RAI14: variants seen among roughly 807,000 people sequenced by gnomAD.
The protein encoded by RAI14 is retinoic acid induced 14, also known as ankycorbin.
Under a neutral mutation model 115.4 loss-of-function variants are expected in RAI14, and 45 were observed. The ratio of observed to expected loss-of-function variants is 0.39; its 90% confidence interval spans 0.31 to 0.50. RAI14 has a LOEUF of 0.50. RAI14 is among the 20% of genes least tolerant of loss of function. RAI14 has a pLI of 0.85. For synonymous variants in RAI14, 371 were observed against 415.4 expected (o/e 0.89, Z 1.30); for missense variants, 939 against 1,131.2 (o/e 0.83, Z 2.44).
intron 2 of RAI14, among the ~76,000 whole-genome samples, chr5:34,748,373 C>T (rs1351246796): frequency 1.3e-5 from 2 of 152,152 alleles, no homozygotes; most frequent in Non-Finnish European, 2.9e-5. Context: ...AGGTGCTTGC[C>T]GTGTTGTATT....
At chr5:34,748,774 C>T (rs1271568375) in intron 2 of RAI14, among the ~76,000 whole-genome samples, 1 of 149,108 alleles carries the variant, frequency 6.7e-6, no homozygotes, top group Admixed American at 6.7e-5. Context: ...TCAGCCTGGG[C>T]AACCTAGGGA....
At chr5:34,815,299 T>C (rs895909520) in intron 12 of RAI14, among the ~76,000 whole-genome samples, 10 of 151,172 alleles carry the variant, frequency 6.6e-5, no homozygotes, top group African/African-American at 2.4e-4. Flanking sequence ...GAGAATCACT[T>C]ACACCCAAGA....
chr5:34,710,804 C>G (rs1741294757), intron 2 of RAI14, among the ~76,000 whole-genome samples: 1 of 152,198 alleles, frequency 6.6e-6, no homozygotes, highest in Non-Finnish European at 1.5e-5. Context: ...GACTTCTGCT[C>G]AGCATGCCAA....
At position 34,726,640 on chromosome 5, in the gene RAI14, C is replaced by A. The variant is rs148243211; in HGVS notation, c.37-30828C>A. On this transcript the variant is annotated intron_variant, in intron 2 of 17. Transcript: ENST00000265109. ...TAATCCCCATGTGCCATTGGAGGGA[C>A]CTGGTGGGAGGTAATTGAATCATAA... Among the ~76,000 whole-genome samples, 283 of 152,128 alleles carry A rather than the reference C, an allele frequency of 1.9e-3. 2 individuals are homozygous for A. The highest frequency in any genetic ancestry group is 6.5e-3 in the African/African-American group (270 of 41,514).
At chr5:34,781,074 C>G (rs1274771328) in intron 3 of RAI14, among the ~76,000 whole-genome samples, 1 of 151,990 alleles carries the variant, frequency 6.6e-6, no homozygotes, top group Non-Finnish European at 1.5e-5. Context: ...TTTGTAGGGA[C>G]ATGGATGAAG....
At chr5:34,688,417 T>G in intron 2 of RAI14, 2 of 566,898 alleles carry the variant, frequency 3.5e-6, no homozygotes, top group Non-Finnish European at 5.9e-6. Context: ...CATATATATA[T>G]GAACAGGGGC....
chr5:34,681,844 T>TTTTC lies in RAI14; in HGVS notation c.-48-5016_-48-5013dup, dbSNP rs200032607. Among the ~76,000 whole-genome samples, 1,311 of 132,304 alleles carry TTTTC rather than the reference T, an allele frequency of 9.9e-3. 176 individuals carry two copies. Among genetic ancestry groups the TTTTC allele is most frequent in the Middle Eastern group, 0.036 (8 of 224 alleles). 86.8% of individuals were successfully genotyped at this position (132,304 alleles called of 152,430 possible). ...CAGTCTAGAGGTTTCTAACCTGGAA[T>TTTTC]TTTCTTTCTTTCTTTTTTTTTTTTT... On this transcript the variant is annotated intron_variant, in intron 1 of 17. Transcript: ENST00000265109.
At chr5:34,750,492 G>A (rs1021578018) in intron 2 of RAI14, among the ~76,000 whole-genome samples, 1 of 152,112 alleles carries the variant, frequency 6.6e-6, no homozygotes, top group African/African-American at 2.4e-5. Context: ...AAGCGACGAG[G>A]AAACAGCAAG....
At chr5:34,753,063 C>T (rs888583417) in intron 2 of RAI14, among the ~76,000 whole-genome samples, 13 of 151,790 alleles carry the variant, frequency 8.6e-5, no homozygotes, top group Non-Finnish European at 1.2e-4. Context: ...TGAGGTTAAC[C>T]GATAAACTAT....
intron 13 of RAI14, 53 bp downstream of exon 13, chr5:34,818,904 G>A: frequency 6.6e-7 from 1 of 1,521,010 alleles, no homozygotes; most frequent in Non-Finnish European, 9.0e-7. Flanking sequence ...ACTATTTCAT[G>A]TCCATTTAAA....
At chr5:34,723,807 A>G (rs11739938) in intron 2 of RAI14, among the ~76,000 whole-genome samples, 58,510 of 152,088 alleles carry the variant, frequency 0.38, 11,998 homozygotes, top group African/African-American at 0.53. Context: ...TTTAGTTTTA[A>G]TATACTCATC....
intron 2 of RAI14, among the ~76,000 whole-genome samples, chr5:34,745,595 T>C (rs1271302612): frequency 1.3e-5 from 2 of 152,170 alleles, no homozygotes; most frequent in African/African-American, 4.8e-5. Context: ...GACCCTGGAA[T>C]CTCTGCTTCA....
chr5:34,757,488 T>C lies in RAI14; in HGVS notation c.57T>C (p.Asn19=). ...TACAGACCAATGAGTGGAACAAGAA[T>C]GATGACCGGCTACTGCAGGCCGTGG... is the stretch of plus-strand genomic sequence containing the variant. ...RKSDTNEWNK[N]DDRLLQAVEN... The change falls in exon 3 of 18, where the codon AAT becomes AAC. Residue 19 remains asparagine (N), a synonymous_variant. Coordinates refer to ENST00000265109, the MANE Select transcript of RAI14 (RefSeq NM_015577.3). 1 of 1,613,754 alleles carries C rather than the reference T, an allele frequency of 6.2e-7. No homozygotes were observed. Among genetic ancestry groups the C allele is most frequent in the Non-Finnish European group, 8.5e-7 (1 of 1,179,898 alleles).
rs150350937 is a variant in RAI14, at chr5:34,814,640, T to A, written c.910T>A (p.Ser304Thr). 1 of 1,613,510 alleles carries A rather than the reference T, an allele frequency of 6.2e-7. No homozygotes were observed. Among genetic ancestry groups the A allele is most frequent in the South Asian group, 1.1e-5 (1 of 91,070 alleles). Reference sequence around the variant, plus strand: ...TTCGACTCCACTATCGGGAAAGGAATCGGTATTTTTTGCTGAACCACCCTT... The same window carrying A: ...TTCGACTCCACTATCGGGAAAGGAAACGGTATTTTTTGCTGAACCACCCTT... ...ITSTPLSGKE[S>T]VFFAEPPFKA... The change falls in exon 12 of 18, where the codon TCG becomes ACG. Residue 304 changes from serine (S) to threonine (T), a missense_variant. Transcript: ENST00000265109.
At chr5:34,757,859 A>G (rs1377831226) in intron 3 of RAI14, 2 of 263,092 alleles carry the variant, frequency 7.6e-6, no homozygotes, top group Admixed American at 5.0e-5. Context: ...TAGATGAGAC[A>G]TGAATTCTCT....
At chr5:34,725,962 C>A (rs77154310) in intron 2 of RAI14, among the ~76,000 whole-genome samples, 2,009 of 112,154 alleles carry the variant, frequency 0.018, 3 homozygotes, top group East Asian at 0.028. Context: ...AACTGCTTCT[C>A]AAAAAAAAAA....
At chr5:34,806,595 G>A (rs1157389618) in intron 5 of RAI14, among the ~76,000 whole-genome samples, 1 of 151,802 alleles carries the variant, frequency 6.6e-6, no homozygotes, top group African/African-American at 2.4e-5. Flanking sequence ...CACTACATGT[G>A]GGGTGAGGAA....
intron 1 of RAI14, among the ~76,000 whole-genome samples, chr5:34,661,756 A>T (rs1369279145): frequency 6.6e-6 from 1 of 152,196 alleles, no homozygotes; most frequent in Non-Finnish European, 1.5e-5. Context: ...TAACCAGTAG[A>T]TGCTGACTGT....
At chr5:34,660,029 T>A (rs1237753963) in intron 1 of RAI14, among the ~76,000 whole-genome samples, 1 of 151,786 alleles carries the variant, frequency 6.6e-6, no homozygotes, top group Non-Finnish European at 1.5e-5. Flanking sequence ...AATACAAAAA[T>A]TAGCTGGGTG....
Sources: gnomAD v4.1 joint callset for allele counts (sites outside exome capture counted in the v4.1 genomes callset) on GRCh38, gnomAD v4.1.1 for gene constraint, MANE v1.5 for transcripts, NCBI Gene and HGNC (gene_info 2026-07-23, HGNC 2026-07-21) for gene names.